The following VAPB variants were observed in gnomAD, a reference collection of about 807,000 sequenced individuals.
VAPB encodes vesicle-associated membrane protein-associated protein B/C.
Under a neutral mutation model 25.6 loss-of-function variants are expected in VAPB, and 7 were observed. The ratio of observed to expected loss-of-function variants is 0.27; its 90% CI spans 0.16 to 0.51. The LOEUF is 0.51. Among genes scored for constraint, VAPB ranks in the 20% least tolerant of loss-of-function variants. The pLI is 0.97. For missense variants in VAPB, 266 were observed against 301.3 expected (o/e 0.88, Z 0.87); for synonymous variants, 112 against 109.2 (o/e 1.03, Z -0.16).
At chr20:58,410,315 A>C (rs569977730) in intron 1 of VAPB, among the ~76,000 whole-genome samples, 2 of 152,252 alleles carry the variant, frequency 1.3e-5, no homozygotes, top group South Asian at 4.1e-4. Flanking sequence ...ACATGTATCC[A>C]CCATTATAAT....
At chr20:58,439,210 C>T (rs1179574052) in intron 4 of VAPB, 185 bp downstream of exon 4, 7 of 609,700 alleles carry the variant, frequency 1.1e-5, no homozygotes, top group East Asian at 2.9e-5. Context: ...GAAAAACTCA[C>T]GGAAAGACAA....
At chr20:58,406,075 G>T (rs1600781439) in intron 1 of VAPB, among the ~76,000 whole-genome samples, 1 of 152,080 alleles carries the variant, frequency 6.6e-6, no homozygotes, top group East Asian at 1.9e-4. Flanking sequence ...TGAGTTTGAG[G>T]GAGGAGAGTG....
At chr20:58,440,510 C>T (rs1160746894) in intron 4 of VAPB, 1 of 226,784 alleles carries the variant, frequency 4.4e-6, no homozygotes, top group African/African-American at 2.3e-5. Context: ...TCTCCCAAGC[C>T]TCCTAACCCC....
At chr20:58,390,631 C>G (rs1987772308) in intron 1 of VAPB, among the ~76,000 whole-genome samples, 1 of 152,106 alleles carries the variant, frequency 6.6e-6, no homozygotes, top group East Asian at 1.9e-4. Flanking sequence ...TCCATGGAAG[C>G]GTACTTTAGA....
At chr20:58,410,153 C>T (rs1461723313) in intron 1 of VAPB, among the ~76,000 whole-genome samples, 1 of 152,098 alleles carries the variant, frequency 6.6e-6, no homozygotes, top group Non-Finnish European at 1.5e-5. Context: ...TGCATCATAA[C>T]CCCCTCCACT....
Position 58,414,261 on chromosome 20 carries a change from C to T in VAPB, c.59-3950C>T, listed in dbSNP as rs1278618286. ...CCTCCCTCCTGGACGGGGCGGCTGG[C>T]GGGGCGTGGGGCTGACCCCCCCACC... On this transcript the variant is annotated intron_variant, in intron 1 of 5. Transcript: ENST00000475243. Among the ~76,000 whole-genome samples, 13 of 143,284 alleles carry T rather than the reference C, an allele frequency of 9.1e-5. 1 individual carries two copies. Among genetic ancestry groups the T allele is most frequent in the Non-Finnish European group, 1.5e-4 (10 of 64,992 alleles). 94.0% of individuals were successfully genotyped at this position (143,284 alleles called of 152,430 possible).
rs1254566756 is a variant in VAPB at position 58,434,912 on chromosome 20, A to G, written c.315+207A>G. On this transcript the variant is annotated intron_variant, in intron 3 of 5. Transcript: ENST00000475243. ...TTTAACATTTTTTGTGACTTTCTAG[A>G]AGGCTGTTCTTTTCTGACTTTCCTG... 1.1e-4 allele frequency among the ~76,000 whole-genome samples: 17 copies of G among 150,480 alleles called. No individual in the cohort carries two copies. The Admixed American group carries it at 1.1e-3, about 10-fold the overall frequency.
chr20:58,415,779 A>C (rs1988525026), intron 1 of VAPB, among the ~76,000 whole-genome samples: 1 of 152,244 alleles, frequency 6.6e-6, no homozygotes, highest in African/African-American at 2.4e-5. Flanking sequence ...GACTAGTAAA[A>C]GTCTGAATGA....
intron 1 of VAPB, among the ~76,000 whole-genome samples, chr20:58,407,918 A>G (rs1988271856): frequency 6.6e-6 from 1 of 152,112 alleles, no homozygotes; most frequent in Admixed American, 6.6e-5. Flanking sequence ...TAAACTGCAA[A>G]TATCTTAGTT....
At chr20:58,389,635 G>A in intron 1 of VAPB, 118 bp downstream of exon 1, 2 of 1,152,170 alleles carry the variant, frequency 1.7e-6, no homozygotes, top group Non-Finnish European at 2.3e-6. Flanking sequence ...CGCTGTCGCG[G>A]GGGGCGGCGA....
chr20:58,400,118 A>G (rs1273051443), intron 1 of VAPB, among the ~76,000 whole-genome samples: 1 of 152,192 alleles, frequency 6.6e-6, no homozygotes, highest in African/African-American at 2.4e-5. Context: ...CCCGGGTCTT[A>G]CAGCCTCCCA....
chr20:58,447,060 G>A lies in VAPB; in HGVS notation c.*2825G>A, dbSNP rs1989310399. The A allele has an allele frequency of 2.2e-6, 1 of 454,076 alleles. No individual in the cohort carries two copies. The highest frequency in any genetic ancestry group is 4.4e-6 in the Non-Finnish European group (1 of 226,752). 28.1% of individuals were successfully genotyped at this position (454,076 alleles called of 1,614,324 possible). ...ATGCCGCTGGGCAGTGTGCATGGGGGAGCTGCTGCCAGGCTGCCCTCCAGT... is the reference window on the plus strand; with the variant it reads ...ATGCCGCTGGGCAGTGTGCATGGGGAAGCTGCTGCCAGGCTGCCCTCCAGT... On this transcript the variant is annotated 3_prime_UTR_variant, in exon 6 of 6. Coordinates refer to ENST00000475243, the MANE Select transcript of VAPB (RefSeq NM_004738.5).
chr20:58,404,932 G>T (rs2123034529), intron 1 of VAPB, among the ~76,000 whole-genome samples: 1 of 152,164 alleles, frequency 6.6e-6, no homozygotes, highest in East Asian at 1.9e-4. Flanking sequence ...AGTGTGCCAA[G>T]CATTGCTGAG....
In VAPB at chr20:58,448,311, A is replaced by T. The variant is rs374303834; in HGVS notation, c.*4076A>T. 137 of 453,586 alleles carry T rather than the reference A, an allele frequency of 3.0e-4. No homozygotes were observed. Among genetic ancestry groups the T allele is most frequent in the African/African-American group, 1.7e-3 (85 of 50,072 alleles). 28.1% of individuals were successfully genotyped at this position (453,586 alleles called of 1,614,324 possible). ...ACGCGAATTGAGTTTCTGTGGCCTA[A>T]TTGGATTTGGAGAACGCCTTCCCTG... is the stretch of plus-strand genomic sequence containing the variant. On this transcript the variant is annotated 3_prime_UTR_variant, in exon 6 of 6. Transcript: ENST00000475243.
intron 2 of VAPB, among the ~76,000 whole-genome samples, chr20:58,425,244 G>A (rs746971779): frequency 1.3e-5 from 2 of 152,180 alleles, no homozygotes; most frequent in Non-Finnish European, 2.9e-5. Flanking sequence ...GACGGGGAGT[G>A]CGAGACTGAG....
At chr20:58,403,608 T>C (rs1207578640) in intron 1 of VAPB, among the ~76,000 whole-genome samples, 2 of 152,246 alleles carry the variant, frequency 1.3e-5, no homozygotes, top group Non-Finnish European at 2.9e-5. Flanking sequence ...ATCATCTCTT[T>C]TACTGGATGT....
At chr20:58,439,072 C>G (rs1177289705) in intron 4 of VAPB, 47 bp downstream of exon 4, 1 of 1,527,836 alleles carries the variant, frequency 6.5e-7, no homozygotes, top group Non-Finnish European at 9.1e-7. Flanking sequence ...TAAGCTGATA[C>G]TTATTTGCAT....
Position 58,409,180 on chromosome 20 carries a change from G to GA in VAPB, c.59-9029dup, listed in dbSNP as rs528131031. Among the ~76,000 whole-genome samples the GA allele has an allele frequency of 2.8e-3, 378 of 134,258 alleles. 2 individuals carry two copies. The highest frequency in any genetic ancestry group is 9.7e-3 in the African/African-American group (352 of 36,190). 88.1% of individuals were successfully genotyped at this position (134,258 alleles called of 152,430 possible). ...GCTCTAGGTGCTGATGATCAGTAAT[G>GA]AACAAGAGGGACAAAAAAGTCTGTG... On this transcript the variant is annotated intron_variant, in intron 1 of 5. Coordinates refer to ENST00000475243, the MANE Select transcript of VAPB (RefSeq NM_004738.5).
chr20:58,414,785 T>C (rs79811192), intron 1 of VAPB, among the ~76,000 whole-genome samples: 1 of 147,826 alleles, frequency 6.8e-6, no homozygotes, highest in Non-Finnish European at 1.5e-5. Context: ...AGACGATGGG[T>C]GGCCAGGCAG....
Sources: allele counts gnomAD v4.1 joint callset (sites outside exome capture counted in the v4.1 genomes callset), GRCh38; gene constraint gnomAD v4.1.1; transcripts MANE v1.5; gene names NCBI Gene and HGNC (gene_info 2026-07-23, HGNC 2026-07-21).